Variants in EGR2 observed in about 807,000 individuals in gnomAD.
EGR2 encodes the protein E3 SUMO-protein ligase EGR2.
Under a neutral mutation model 21.2 loss-of-function variants are expected in EGR2, and 2 were observed. The observed-to-expected ratio is 0.09, with a 90% confidence interval of 0.04 to 0.30. EGR2 has a LOEUF of 0.30. EGR2 is among the 10% of genes least tolerant of loss of function. The pLI is 1.00. For synonymous variants in EGR2, 282 were observed against 258.2 expected (o/e 1.09, Z -0.88); for missense variants, 458 against 630.2 (o/e 0.73, Z 2.93).
At chr10:62,818,709 CG>C, upstream of EGR2, 1 of 902,782 alleles carries the variant, frequency 1.1e-6, no homozygotes. Flanking sequence ...CGATGGGGCT[CG>C]GGTTACGGCC....
upstream of EGR2, among the ~76,000 whole-genome samples, chr10:62,817,432 G>A (rs1215891467): frequency 6.6e-6 from 1 of 152,138 alleles, no homozygotes; most frequent in Non-Finnish European, 1.5e-5. The surrounding 1 kb of genome is among the most constrained non-coding windows in gnomAD (Gnocchi z 4.4). Flanking sequence ...GTTGCCAGCA[G>A]TGTCCCGGCG....
rs1191083082 is a variant in EGR2, at chr10:62,813,048, G to A, written c.*159C>T. On this transcript the variant is annotated 3_prime_UTR_variant, in exon 2 of 2. Coordinates refer to ENST00000242480, the MANE Select transcript of EGR2 (RefSeq NM_000399.5). This position sits in a 1 kb window ranked among gnomAD's most constrained non-coding sequence, Gnocchi z 5.7. ...ATGGGCTAAGTTTTAGGAAGAACCT[G>A]CTTCTAGGTGGAAAGGGGGCAGTGC... 2.5e-5 allele frequency: 20 copies of A among 792,816 alleles called. No individual in the cohort carries two copies. Among genetic ancestry groups the A allele is most frequent in the Non-Finnish European group, 5.8e-6 (3 of 516,962 alleles). The allele number at this position is 792,816 out of a possible 1,614,324, so 49.1% of individuals were successfully genotyped here. A position where few individuals can be genotyped will look rare whatever the true frequency, so the allele number is the denominator to read the frequency against.
chr10:62,813,124 G>A lies in EGR2; in HGVS notation c.*83C>T. ...ACAAAGGGAGAGAGGGACAGGAAAG[G>A]GTGGTAGTGTTTGTTGTGCAGCTCC... On this transcript the variant is annotated 3_prime_UTR_variant, in exon 2 of 2. Coordinates refer to ENST00000242480, the MANE Select transcript of EGR2 (RefSeq NM_000399.5). The surrounding 1 kb of genome is among the most constrained non-coding windows in gnomAD (Gnocchi z 5.7). 7.1e-7 allele frequency: 1 copy of A among 1,409,094 alleles called. No individual in the cohort carries two copies. The highest frequency in any genetic ancestry group is 1.4e-5 in the South Asian group (1 of 72,316). 87.3% of individuals were successfully genotyped at this position (1,409,094 alleles called of 1,614,324 possible).
upstream of EGR2, among the ~76,000 whole-genome samples, chr10:62,817,455 C>T (rs539779280): frequency 5.0e-4 from 76 of 152,292 alleles, no homozygotes; most frequent in African/African-American, 1.8e-3. The surrounding 1 kb of genome is among the most constrained non-coding windows in gnomAD (Gnocchi z 4.4). Context: ...AGAGCGGGCT[C>T]CGGGCTCGCT....
chr10:62,813,339 T>C lies in EGR2; in HGVS notation c.1299A>G (p.Ala433=), dbSNP rs1589080291. ...AGGCTGTAGAGGGGGCTGGCACCGA[T>C]GCAGAGGGGGCACTGCTTTTCCGCT... ...QKERKSSAPS[A]SVPAPSTASC... The change falls in exon 2 of 2, where the codon GCA becomes GCG. Residue 433 remains alanine, a synonymous_variant. Transcript: ENST00000242480. The surrounding 1 kb of genome is among the most constrained non-coding windows in gnomAD (Gnocchi z 5.7). 6.3e-7 allele frequency: 1 copy of C among 1,594,080 alleles called. No homozygotes were observed. The highest frequency in any genetic ancestry group is 8.6e-7 in the Non-Finnish European group (1 of 1,167,648).
Position 62,813,689 on chromosome 10 carries a change from G to A in EGR2, c.949C>T (p.Leu317=), listed in dbSNP as rs760602079. Residue 317 remains leucine, a synonymous_variant, in exon 2 of 2, where the codon CTG becomes TTG. Coordinates refer to ENST00000242480, the MANE Select transcript of EGR2 (RefSeq NM_000399.5). This position sits in a 1 kb window ranked among gnomAD's most constrained non-coding sequence, Gnocchi z 5.7. The part of the protein sequence containing the change: ...AAAYNPHHLP[L]RPILRPRKYP... The stretch of plus-strand genomic sequence containing the variant: ...TTGCGAGGCCTCAGAATGGGCCGCA[G>A]TGGCAGGTGGTGTGGGTTATAGGCG... 6.2e-7 allele frequency: 1 copy of A among 1,613,448 alleles called. No individual in the cohort carries two copies. Among genetic ancestry groups the A allele is most frequent in the Non-Finnish European group, 8.5e-7 (1 of 1,180,018 alleles).
At position 62,813,252 on chromosome 10, in the gene EGR2, G is replaced by A. The variant is rs768284273; in HGVS notation, c.1386C>T (p.Gly462=). 5 of 1,566,464 alleles carry A rather than the reference G, an allele frequency of 3.2e-6. No homozygotes were observed. Among genetic ancestry groups the A allele is most frequent in the Non-Finnish European group, 4.3e-6 (5 of 1,157,300 alleles). The change falls in exon 2 of 2, where the codon GGC becomes GGT. Residue 462 remains glycine (G), a synonymous_variant. Coordinates refer to ENST00000242480, the MANE Select transcript of EGR2 (RefSeq NM_000399.5). This position sits in a 1 kb window ranked among gnomAD's most constrained non-coding sequence, Gnocchi z 5.7. ...TLCSSNSSSL[G]GGPLAPCSSR... Reference sequence around the variant, plus strand: ...AGGAGCAAGGGGCGAGCGGCCCTCCGCCAAGACTGCTGCTGTTACTGCTGC... The same window carrying A: ...AGGAGCAAGGGGCGAGCGGCCCTCCACCAAGACTGCTGCTGTTACTGCTGC...
rs555930682 is a variant in EGR2 at position 62,812,335 on chromosome 10, C to T, written c.*872G>A. ...CATGCAGACCTTGTAACATTGTCTA[C>T]ATCACACAAGGCACCAAGGACACTT... is the stretch of plus-strand genomic sequence containing the variant. On this transcript the variant is annotated 3_prime_UTR_variant, in exon 2 of 2. Transcript: ENST00000242480. 7 of 152,894 alleles carry T rather than the reference C, an allele frequency of 4.6e-5. No individual in the cohort carries two copies. Among genetic ancestry groups the T allele is most frequent in the African/African-American group, 1.7e-4 (7 of 41,580 alleles). The allele number at this position is 152,894 out of a possible 1,614,324, so 9.5% of individuals were successfully genotyped here.
upstream of EGR2, among the ~76,000 whole-genome samples, chr10:62,818,910 C>T (rs1054459191): frequency 1.3e-5 from 2 of 152,102 alleles, no homozygotes; most frequent in Non-Finnish European, 2.9e-5. Flanking sequence ...AGCTCCTGGA[C>T]GCCCGAGTGC....
In EGR2 at chr10:62,813,944, A is replaced by T; in HGVS notation, c.694T>A (p.Ser232Thr). 1 of 1,614,162 alleles carries T rather than the reference A, an allele frequency of 6.2e-7. No individual in the cohort carries two copies. Among genetic ancestry groups the T allele is most frequent in the Non-Finnish European group, 8.5e-7 (1 of 1,180,020 alleles). ...CCATGTAGGTCTCTCTGGCACTGAG[A>T]TGGAAAGAATCCAGGATAGTCTGGG... The part of the protein sequence containing the change: ...MIPDYPGFFP[S>T]QCQRDLHGTA... Residue 232 changes from serine to threonine, a missense_variant, in exon 2 of 2, where the codon TCT becomes ACT. Ser to Thr is a moderately conservative substitution (Grantham distance 58). Coordinates refer to ENST00000242480, the MANE Select transcript of EGR2 (RefSeq NM_000399.5). The surrounding 1 kb of genome is among the most constrained non-coding windows in gnomAD (Gnocchi z 5.7).
At chr10:62,818,688 G>A (rs1045029732), upstream of EGR2, 26 of 1,096,932 alleles carry the variant, frequency 2.4e-5, no homozygotes, top group South Asian at 2.3e-4. Flanking sequence ...TTATGCAAAT[G>A]CGGATCCCTG....
chr10:62,818,566 C>T (rs1270314192), upstream of EGR2: 2 of 1,274,608 alleles, frequency 1.6e-6, no homozygotes, highest in East Asian at 5.9e-5. Flanking sequence ...ACTCCGCCTG[C>T]GCTCTGGCGG....
In EGR2 at chr10:62,813,169, G is replaced by A; in HGVS notation, c.*38C>T. The A allele has an allele frequency of 6.5e-7, 1 of 1,527,728 alleles. No homozygotes were observed. Among genetic ancestry groups the A allele is most frequent in the Non-Finnish European group, 8.7e-7 (1 of 1,145,138 alleles). The allele number at this position is 1,527,728 out of a possible 1,614,324, so 94.6% of individuals were successfully genotyped here. A position where few individuals can be genotyped will look rare whatever the true frequency, so the allele number is the denominator to read the frequency against. Reference sequence around the variant, plus strand: ...AGCTCCAGTGGACAAAGGGCCTCCGGGACCTTTGGGAGCTGGTGTATCAGC... The same window carrying A: ...AGCTCCAGTGGACAAAGGGCCTCCGAGACCTTTGGGAGCTGGTGTATCAGC... On this transcript the variant is annotated 3_prime_UTR_variant, in exon 2 of 2. Coordinates refer to ENST00000242480, the MANE Select transcript of EGR2 (RefSeq NM_000399.5). This position sits in a 1 kb window ranked among gnomAD's most constrained non-coding sequence, Gnocchi z 5.7.
At position 62,812,864 on chromosome 10, in the gene EGR2, G is replaced by A. The variant is rs1347652454; in HGVS notation, c.*343C>T. On this transcript the variant is annotated 3_prime_UTR_variant, in exon 2 of 2. Coordinates refer to ENST00000242480, the MANE Select transcript of EGR2 (RefSeq NM_000399.5). ...ACATCCAGGGTCAAAAACCTGTGATGGGTCAAAATAAGGGGAAGTGGGGTA... is the reference window on the plus strand; with the variant it reads ...ACATCCAGGGTCAAAAACCTGTGATAGGTCAAAATAAGGGGAAGTGGGGTA... 2 of 217,604 alleles carry A rather than the reference G, an allele frequency of 9.2e-6. No individual in the cohort carries two copies. The highest frequency in any genetic ancestry group is 4.6e-5 in the African/African-American group (2 of 43,728). The allele number at this position is 217,604 out of a possible 1,614,324, so 13.5% of individuals were successfully genotyped here.
upstream of EGR2, chr10:62,818,499 A>C (rs748721907): frequency 4.8e-5 from 54 of 1,131,908 alleles, no homozygotes; most frequent in African/African-American, 7.6e-4. Context: ...TCAAGAAAGA[A>C]AGAAAGAAAA....
rs1396525206 is a variant in EGR2, at chr10:62,812,431, G to C, written c.*776C>G. On this transcript the variant is annotated 3_prime_UTR_variant, in exon 2 of 2. Coordinates refer to ENST00000242480, the MANE Select transcript of EGR2 (RefSeq NM_000399.5). ...CCCCCTTAAATAAGTTAACCTCTGA[G>C]ATCATAAATGCTTTACATTTTTTCC... 17 of 152,724 alleles carry C rather than the reference G, an allele frequency of 1.1e-4. No homozygotes were observed. Among genetic ancestry groups the C allele is most frequent in the Admixed American group, 1.1e-3 (17 of 15,278 alleles). The allele number at this position is 152,724 out of a possible 1,614,324, so 9.5% of individuals were successfully genotyped here.
intron 1 of EGR2, among the ~76,000 whole-genome samples, chr10:62,815,220 C>T (rs1036865285): frequency 1.3e-5 from 2 of 152,242 alleles, no homozygotes; most frequent in Non-Finnish European, 2.9e-5. Context: ...GGTGCCCCCG[C>T]GGGCCTCCCT....
At chr10:62,818,378 G>A (rs1397959461), upstream of EGR2, among the ~76,000 whole-genome samples, 1 of 152,258 alleles carries the variant, frequency 6.6e-6, no homozygotes, top group Non-Finnish European at 1.5e-5. Context: ...TCTCGCTCGC[G>A]CTGTGCGCTT....
At chr10:62,817,996 A>G (rs1838293921), upstream of EGR2, among the ~76,000 whole-genome samples, 1 of 152,142 alleles carries the variant, frequency 6.6e-6, no homozygotes, top group South Asian at 2.1e-4. This position sits in a 1 kb window ranked among gnomAD's most constrained non-coding sequence, Gnocchi z 4.4. Flanking sequence ...TTCCCGCTCC[A>G]AAGCCGCGGA....
Sources: allele counts gnomAD v4.1 joint callset (sites outside exome capture counted in the v4.1 genomes callset), GRCh38; gene constraint gnomAD v4.1.1; non-coding constraint Gnocchi (gnomAD v3.1); transcripts MANE v1.5; gene names NCBI Gene and HGNC (gene_info 2026-07-23, HGNC 2026-07-21).